Variants in IL1RAPL1 observed in about 807,000 individuals in gnomAD.
IL1RAPL1 encodes interleukin-1 receptor accessory protein-like 1.
A neutral mutation model predicts 48.4 loss-of-function variants in IL1RAPL1; 3 were observed. The ratio of observed to expected loss-of-function variants is 0.06; its 90% CI spans 0.03 to 0.16. The LOEUF is 0.16. IL1RAPL1 is among the 10% of genes least tolerant of loss of function. The pLI, the probability that IL1RAPL1 is intolerant of heterozygous loss-of-function variation, is 1.00. For synonymous variants in IL1RAPL1, 185 were observed against 187.7 expected (o/e 0.99, Z 0.12); for missense variants, 349 against 530.6 (o/e 0.66, Z 3.36).
At chrX:29,694,450 T>C (rs1926856298) in intron 6 of IL1RAPL1, among the ~76,000 whole-genome samples, 1 of 111,620 alleles carries the variant, frequency 9.0e-6, no homozygotes, top group South Asian at 3.7e-4. Context: ...ACTGATGTTT[T>C]TGCGTATATG....
intron 5 of IL1RAPL1, among the ~76,000 whole-genome samples, chrX:29,423,721 A>C (rs1291389069): frequency 1.8e-5 from 2 of 111,811 alleles, no homozygotes; most frequent in African/African-American, 3.2e-5. Flanking sequence ...GTTAATCATG[A>C]TGATGATTAC....
intron 8 of IL1RAPL1, among the ~76,000 whole-genome samples, chrX:29,935,627 A>G (rs750704555): frequency 3.2e-4 from 36 of 111,718 alleles, no homozygotes; most frequent in Non-Finnish European, 6.0e-4. Flanking sequence ...GCACATTCCA[A>G]GGGTAGGCTC....
intron 2 of IL1RAPL1, among the ~76,000 whole-genome samples, chrX:28,796,256 C>T (rs759023296): frequency 2.7e-5 from 3 of 111,284 alleles, no homozygotes; most frequent in East Asian, 5.7e-4. Flanking sequence ...CATTCCACCC[C>T]GGCCCCTCCC....
intron 1 of IL1RAPL1, among the ~76,000 whole-genome samples, chrX:28,671,682 GAATCTGGGCCATCCCAC>G (rs1359952725): frequency 8.9e-6 from 1 of 112,369 alleles, no homozygotes; most frequent in Non-Finnish European, 1.9e-5. Context: ...TACTAGACCA[GAATCTGGGCCATCCCAC>G]AGATCTTAGC....
chrX:28,640,605 C>T (rs1260329218), intron 1 of IL1RAPL1, among the ~76,000 whole-genome samples: 4 of 109,483 alleles, frequency 3.7e-5, no homozygotes, highest in Non-Finnish European at 5.7e-5. Flanking sequence ...CCCACCTTGG[C>T]GTCCCAAAGT....
chrX:29,301,067 AATTTTT>A (rs1932526788), intron 3 of IL1RAPL1, among the ~76,000 whole-genome samples: 1 of 111,849 alleles, frequency 8.9e-6, no homozygotes, highest in Admixed American at 9.5e-5. Flanking sequence ...CAAGCCATGA[AATTTTT>A]ATATATTATC....
chrX:29,292,409 T>G (rs1932384361), intron 3 of IL1RAPL1, among the ~76,000 whole-genome samples: 1 of 111,558 alleles, frequency 9.0e-6, no homozygotes. Flanking sequence ...AAGTGTTAGA[T>G]CTGATAGACC....
chrX:29,357,563 G>A (rs1422853177), intron 3 of IL1RAPL1, among the ~76,000 whole-genome samples: 1 of 111,925 alleles, frequency 8.9e-6, no homozygotes, highest in Non-Finnish European at 1.9e-5. Context: ...AAACAGCCCC[G>A]TAATAGCAGA....
At chrX:29,463,419 G>A (rs148149529) in intron 5 of IL1RAPL1, among the ~76,000 whole-genome samples, 53 of 112,017 alleles carry the variant, frequency 4.7e-4, no homozygotes, top group Non-Finnish European at 8.6e-4. Context: ...CTAAAGTACC[G>A]GCAGAAACAA....
intron 2 of IL1RAPL1, among the ~76,000 whole-genome samples, chrX:29,236,812 G>A (rs1931317533): frequency 9.5e-6 from 1 of 105,635 alleles, no homozygotes; most frequent in East Asian, 3.0e-4. Flanking sequence ...CTCATGATCT[G>A]CCCACCTTGG....
chrX:29,573,009 C>A (rs1362357892), intron 5 of IL1RAPL1, among the ~76,000 whole-genome samples: 1 of 112,193 alleles, frequency 8.9e-6, no homozygotes, highest in Non-Finnish European at 1.9e-5. Flanking sequence ...GAATTTATTT[C>A]TCACAGTTCT....
At chrX:28,791,121 G>A in intron 2 of IL1RAPL1, among the ~76,000 whole-genome samples, 1 of 108,498 alleles carries the variant, frequency 9.2e-6, no homozygotes, top group Middle Eastern at 4.9e-3. Flanking sequence ...AGTTCTTTCT[G>A]TGTATGTCAG....
intron 1 of IL1RAPL1, among the ~76,000 whole-genome samples, chrX:28,707,959 T>C (rs368729948): frequency 9.0e-6 from 1 of 111,600 alleles, no homozygotes; most frequent in African/African-American, 3.3e-5. Context: ...GTGTCTTTTT[T>C]TTCCAAAGCA....
intron 2 of IL1RAPL1, among the ~76,000 whole-genome samples, chrX:28,960,345 G>C (rs1388000524): frequency 9.0e-6 from 1 of 111,497 alleles, no homozygotes; most frequent in Non-Finnish European, 1.9e-5. Flanking sequence ...GTATTTCCCA[G>C]TATGTGTCTT....
At chrX:29,134,196 CATTT>C (rs1169330342) in intron 2 of IL1RAPL1, among the ~76,000 whole-genome samples, 1 of 111,516 alleles carries the variant, frequency 9.0e-6, no homozygotes, top group Non-Finnish European at 1.9e-5. Flanking sequence ...GTTTTCAACT[CATTT>C]AAATAAATAC....
intron 5 of IL1RAPL1, among the ~76,000 whole-genome samples, chrX:29,399,521 T>C (rs1452100892): frequency 8.9e-6 from 1 of 111,953 alleles, no homozygotes; most frequent in Non-Finnish European, 1.9e-5. Flanking sequence ...TAGGGAGTTA[T>C]AGAAATGTTA....
intron 1 of IL1RAPL1, among the ~76,000 whole-genome samples, chrX:28,720,190 T>C (rs190697924): frequency 5.7e-4 from 63 of 111,260 alleles, no homozygotes; most frequent in Non-Finnish European, 1.0e-3. Flanking sequence ...GTAAGATACA[T>C]ATTTATGAAG....
At chrX:28,824,835 G>C (rs1041627357) in intron 2 of IL1RAPL1, among the ~76,000 whole-genome samples, 1 of 111,690 alleles carries the variant, frequency 9.0e-6, no homozygotes, top group Non-Finnish European at 1.9e-5. Context: ...TTCTGGCATA[G>C]CTTCTGAGTT....
At chrX:28,757,687 T>G (rs1196264335) in intron 1 of IL1RAPL1, among the ~76,000 whole-genome samples, 1 of 112,046 alleles carries the variant, frequency 8.9e-6, no homozygotes, top group Non-Finnish European at 1.9e-5. Flanking sequence ...AGCACTGTCA[T>G]GGAGAGAGGC....
Sources: allele counts gnomAD v4.1 joint callset (sites outside exome capture counted in the v4.1 genomes callset), GRCh38; gene constraint gnomAD v4.1.1; transcripts MANE v1.5; gene names NCBI Gene and HGNC (gene_info 2026-07-23, HGNC 2026-07-21).